The following TPRG1 variants were observed in gnomAD, a reference collection of about 807,000 sequenced individuals.
The protein encoded by TPRG1 is tumor protein p63-regulated gene 1 protein.
TPRG1 carries 29 observed loss-of-function variants against 29.3 expected under a neutral mutation model. That is an observed-to-expected ratio of 0.99 (90% CI 0.74 to 1.35). The LOEUF (loss-of-function observed/expected upper bound fraction) is 1.35, where lower values mean the gene tolerates loss of function less well. TPRG1 is among the 40% of genes most tolerant of loss of function. The pLI, the probability that TPRG1 is intolerant of heterozygous loss-of-function variation, is 0.00. For missense variants in TPRG1, 327 were observed against 335.0 expected (o/e 0.98, Z 0.19); for synonymous variants, 130 against 116.8 (o/e 1.11, Z -0.73).
At chr3:189,302,708 T>C (rs1347288384) in intron 4 of TPRG1, among the ~76,000 whole-genome samples, 3 of 152,228 alleles carry the variant, frequency 2.0e-5, no homozygotes, top group Non-Finnish European at 4.4e-5. Context: ...TTATTTATTG[T>C]CAACTTCATT....
At chr3:189,042,682 C>T (rs1253124175) in intron 4 of TPRG1, among the ~76,000 whole-genome samples, 8 of 151,784 alleles carry the variant, frequency 5.3e-5, no homozygotes, top group Non-Finnish European at 1.2e-4. Flanking sequence ...ACTTGATGAT[C>T]CCTCATGAAA....
chr3:189,029,192 C>A (rs1713815139), intron 4 of TPRG1, among the ~76,000 whole-genome samples: 1 of 151,866 alleles, frequency 6.6e-6, no homozygotes, highest in Non-Finnish European at 1.5e-5. Flanking sequence ...GAAAATAATA[C>A]CTTTTTATTG....
At chr3:189,122,750 G>C (rs1721977974) in intron 1 of TPRG1, among the ~76,000 whole-genome samples, 1 of 152,146 alleles carries the variant, frequency 6.6e-6, no homozygotes, top group African/African-American at 2.4e-5. Context: ...TGCATAAGTT[G>C]TCAGTTTCAC....
chr3:189,173,258 T>C (rs776343483), intron 1 of TPRG1, among the ~76,000 whole-genome samples: 1 of 152,054 alleles, frequency 6.6e-6, no homozygotes, highest in Non-Finnish European at 1.5e-5. Context: ...AGTCATCCCT[T>C]GGGGCCACCA....
chr3:189,204,539 T>G (rs1734010815), intron 1 of TPRG1, among the ~76,000 whole-genome samples: 1 of 152,212 alleles, frequency 6.6e-6, no homozygotes, highest in African/African-American at 2.4e-5. Context: ...AGTGAGAATT[T>G]AAACGGAGCT....
intron 1 of TPRG1, among the ~76,000 whole-genome samples, chr3:189,204,930 A>G (rs1051915141): frequency 8.2e-6 from 1 of 121,394 alleles, no homozygotes; most frequent in African/African-American, 3.0e-5. Context: ...CTCTGTCTCT[A>G]TGTCTCTCTC....
intron 4 of TPRG1, among the ~76,000 whole-genome samples, chr3:189,028,260 T>G (rs1713761377): frequency 6.6e-6 from 1 of 152,218 alleles, no homozygotes; most frequent in African/African-American, 2.4e-5. Context: ...CGCATTCCAG[T>G]GCCCTATTTG....
At chr3:189,043,784 T>C (rs767463581) in intron 4 of TPRG1, among the ~76,000 whole-genome samples, 6 of 152,020 alleles carry the variant, frequency 3.9e-5, no homozygotes, top group Non-Finnish European at 4.4e-5. Flanking sequence ...TTAAAACTAG[T>C]AGTTGGGTTG....
At chr3:189,011,065 G>A (rs1712570991) in intron 3 of TPRG1, among the ~76,000 whole-genome samples, 1 of 152,132 alleles carries the variant, frequency 6.6e-6, no homozygotes, top group South Asian at 2.1e-4. Context: ...TTGAAGATCA[G>A]ATGGTTATAG....
intron 4 of TPRG1, among the ~76,000 whole-genome samples, chr3:189,244,449 T>C (rs1741084578): frequency 6.6e-6 from 1 of 152,008 alleles, no homozygotes; most frequent in Non-Finnish European, 1.5e-5. Context: ...GAGGTTTAAT[T>C]GGTTCAGAGT....
chr3:189,159,952 G>C (rs1016004214), intron 5 of TPRG1, among the ~76,000 whole-genome samples: 1 of 151,818 alleles, frequency 6.6e-6, no homozygotes, highest in South Asian at 2.1e-4. Context: ...GTGTGTGAGG[G>C]GTTGGCTTTC....
chr3:189,045,472 A>C (rs1714917483), intron 4 of TPRG1, among the ~76,000 whole-genome samples: 1 of 152,242 alleles, frequency 6.6e-6, no homozygotes, highest in African/African-American at 2.4e-5. Context: ...TTGGAATTAG[A>C]TGTCTGGACT....
chr3:189,186,852 G>T (rs1217528895), intron 1 of TPRG1, among the ~76,000 whole-genome samples: 1 of 151,930 alleles, frequency 6.6e-6, no homozygotes, highest in Non-Finnish European at 1.5e-5. Flanking sequence ...CCCCACTATC[G>T]CTAGATTTCA....
chr3:189,099,100 T>G (rs979621427), upstream of TPRG1, among the ~76,000 whole-genome samples: 1 of 152,120 alleles, frequency 6.6e-6, no homozygotes, highest in African/African-American at 2.4e-5. Flanking sequence ...TGGCCGGCAG[T>G]GGAAAACCAG....
chr3:189,193,812 C>A (rs977412097), intron 1 of TPRG1, among the ~76,000 whole-genome samples: 2 of 150,236 alleles, frequency 1.3e-5, no homozygotes, highest in African/African-American at 4.9e-5. Flanking sequence ...GAGTTGGTTT[C>A]CTGATTTTGT....
At chr3:189,008,110 C>T (rs1239311688) in intron 3 of TPRG1, among the ~76,000 whole-genome samples, 1 of 151,040 alleles carries the variant, frequency 6.6e-6, no homozygotes, top group African/African-American at 2.5e-5. Context: ...TTCAAGGGAT[C>T]CTACTTTAAA....
At chr3:189,219,217 A>G (rs150510134) in intron 3 of TPRG1, among the ~76,000 whole-genome samples, 1 of 152,318 alleles carries the variant, frequency 6.6e-6, no homozygotes. Context: ...CTGCTTTGTG[A>G]TTCTCTAAAT....
intron 4 of TPRG1, among the ~76,000 whole-genome samples, chr3:189,052,287 A>G (rs1395688352): frequency 3.3e-5 from 5 of 152,226 alleles, no homozygotes; most frequent in Admixed American, 3.3e-4. Context: ...TAAGGACATG[A>G]ACAGACAGTT....
chr3:189,305,766 C>T (rs952326947), intron 4 of TPRG1, among the ~76,000 whole-genome samples: 30 of 151,806 alleles, frequency 2.0e-4, no homozygotes, highest in African/African-American at 7.0e-4. Flanking sequence ...CTCCAAAAGG[C>T]CTTCCAACTC....
Sources: gnomAD v4.1 joint callset for allele counts (sites outside exome capture counted in the v4.1 genomes callset) on GRCh38, gnomAD v4.1.1 for gene constraint, MANE v1.5 for transcripts, NCBI Gene and HGNC (gene_info 2026-07-23, HGNC 2026-07-21) for gene names.